Variants in DOCK3 observed in about 807,000 individuals in gnomAD.
The protein encoded by DOCK3 is dedicator of cytokinesis 3.
Under a neutral mutation model 265.6 loss-of-function variants are expected in DOCK3, and 60 were observed. That is an observed-to-expected ratio of 0.23 (90% CI 0.18 to 0.28). The LOEUF (loss-of-function observed/expected upper bound fraction) is 0.28. Among genes scored for constraint, DOCK3 ranks in the 10% least tolerant of loss-of-function variants. The pLI, the probability that DOCK3 is intolerant of heterozygous loss-of-function variation, is 1.00. For synonymous variants in DOCK3, 881 were observed against 938.0 expected (o/e 0.94, Z 1.11); for missense variants, 1,981 against 2,594.3 (o/e 0.76, Z 5.14).
intron 49 of DOCK3, among the ~76,000 whole-genome samples, chr3:51,363,034 G>C (rs540007955): frequency 6.6e-6 from 1 of 152,344 alleles, no homozygotes; most frequent in East Asian, 1.9e-4. Flanking sequence ...TGATGACAAA[G>C]TATGAAAAGT....
intron 1 of DOCK3, among the ~76,000 whole-genome samples, chr3:50,749,635 C>T (rs1293554050): frequency 6.6e-6 from 1 of 152,020 alleles, no homozygotes; most frequent in Non-Finnish European, 1.5e-5. Context: ...TTAAGCATGT[C>T]TCACAGAAAA....
chr3:51,045,403 C>T (rs1400971973), intron 5 of DOCK3, among the ~76,000 whole-genome samples: 1 of 152,054 alleles, frequency 6.6e-6, no homozygotes, highest in Non-Finnish European at 1.5e-5. Flanking sequence ...ATAGTAACAT[C>T]AGAGATCACT....
chr3:50,675,753 C>T lies in DOCK3; in HGVS notation c.37+453C>T, dbSNP rs1279807841. 9.2e-5 allele frequency among the ~76,000 whole-genome samples: 14 copies of T among 152,294 alleles called. No individual in the cohort carries two copies. Among genetic ancestry groups the T allele is most frequent in the African/African-American group, 3.1e-4 (13 of 41,570 alleles). The stretch of plus-strand genomic sequence containing the variant: ...GAAAACGGATGAAAAACGTTGACAT[C>T]ATTTTCCCAGTTCAAAAATTTGGAC... On this transcript the variant is annotated intron_variant, in intron 1 of 52. Coordinates refer to ENST00000266037, the MANE Select transcript of DOCK3 (RefSeq NM_004947.5). The surrounding 1 kb of genome is among the most constrained non-coding windows in gnomAD (Gnocchi z 6.1).
intron 10 of DOCK3, among the ~76,000 whole-genome samples, chr3:51,158,021 T>C (rs1272991649): frequency 2.6e-5 from 4 of 151,846 alleles, no homozygotes; most frequent in Non-Finnish European, 2.9e-5. Context: ...GAAATGGAAC[T>C]AAGGGAGCCT....
chr3:50,913,411 T>C (rs2049962427), intron 4 of DOCK3, among the ~76,000 whole-genome samples: 1 of 152,056 alleles, frequency 6.6e-6, no homozygotes, highest in Admixed American at 6.5e-5. Context: ...CTGTGCAGCC[T>C]GGGGCTAGGG....
intron 9 of DOCK3, among the ~76,000 whole-genome samples, chr3:51,104,993 T>C (rs1211421488): frequency 6.6e-6 from 1 of 152,128 alleles, no homozygotes; most frequent in Non-Finnish European, 1.5e-5. Context: ...TAGGAAAAGT[T>C]TTCTGGAAGA....
chr3:51,328,808 C>A (rs2084325020), intron 32 of DOCK3, among the ~76,000 whole-genome samples: 1 of 152,110 alleles, frequency 6.6e-6, no homozygotes, highest in Non-Finnish European at 1.5e-5. Flanking sequence ...CATACCATGG[C>A]TTTTTTGTTT....
At chr3:50,940,076 A>AACACACATACACACACAC (rs1421955991) in intron 5 of DOCK3, among the ~76,000 whole-genome samples, 4 of 149,380 alleles carry the variant, frequency 2.7e-5, no homozygotes, top group Non-Finnish European at 6.0e-5. Flanking sequence ...TACACACACA[A>AACACACATACACACACAC]ACACACACAC....
chr3:51,189,583 G>A (rs911297969), intron 12 of DOCK3, among the ~76,000 whole-genome samples: 3 of 152,134 alleles, frequency 2.0e-5, no homozygotes, highest in African/African-American at 7.2e-5. Flanking sequence ...TTCTGCAAAA[G>A]ACATTATTTC....
intron 27 of DOCK3, among the ~76,000 whole-genome samples, chr3:51,308,458 A>G (rs1215522683): frequency 6.6e-6 from 1 of 151,508 alleles, no homozygotes; most frequent in East Asian, 1.9e-4. Flanking sequence ...TGTTTAACAA[A>G]GCACATCTTG....
chr3:50,957,360 G>C (rs1215900671), intron 5 of DOCK3, among the ~76,000 whole-genome samples: 1 of 152,136 alleles, frequency 6.6e-6, no homozygotes, highest in East Asian at 1.9e-4. Context: ...TTTAAAAATG[G>C]AAATTTAATG....
intron 9 of DOCK3, among the ~76,000 whole-genome samples, chr3:51,144,714 A>T (rs1192438131): frequency 6.6e-6 from 1 of 152,232 alleles, no homozygotes; most frequent in East Asian, 1.9e-4. Flanking sequence ...CCATAGCTGT[A>T]TGAGGAAAAA....
At chr3:50,930,912 C>T (rs2051029599) in intron 4 of DOCK3, among the ~76,000 whole-genome samples, 1 of 152,184 alleles carries the variant, frequency 6.6e-6, no homozygotes, top group African/African-American at 2.4e-5. Flanking sequence ...CAAGCACTGC[C>T]TCCTCCCTTC....
At chr3:51,380,523 C>T (rs1344646141) in intron 52 of DOCK3, among the ~76,000 whole-genome samples, 5 of 152,294 alleles carry the variant, frequency 3.3e-5, no homozygotes, top group Non-Finnish European at 5.9e-5. Context: ...CACTGTAGTT[C>T]GCTAGCTAAA....
chr3:50,723,581 A>T (rs2108040344), intron 1 of DOCK3, among the ~76,000 whole-genome samples: 2 of 152,330 alleles, frequency 1.3e-5, no homozygotes, highest in South Asian at 4.1e-4. Context: ...AACTTGACAA[A>T]AACGAGCAAT....
chr3:51,313,039 C>T, intron 31 of DOCK3, 137 bp downstream of exon 31: 2 of 789,190 alleles, frequency 2.5e-6, no homozygotes, highest in Non-Finnish European at 4.1e-6. Context: ...CACATAACAC[C>T]TCAGATGGAT....
chr3:51,216,167 A>G (rs1046326190), intron 14 of DOCK3, among the ~76,000 whole-genome samples: 1 of 152,204 alleles, frequency 6.6e-6, no homozygotes, highest in Non-Finnish European at 1.5e-5. Flanking sequence ...GATAGTCTTC[A>G]CATACTTCTG....
intron 5 of DOCK3, among the ~76,000 whole-genome samples, chr3:50,951,544 A>G (rs1405021739): frequency 2.0e-5 from 3 of 152,204 alleles, no homozygotes; most frequent in Admixed American, 6.5e-5. Flanking sequence ...ACAGGCAAGC[A>G]TTTGGTCCTG....
At chr3:51,082,345 A>T (rs2082271991) in intron 7 of DOCK3, among the ~76,000 whole-genome samples, 1 of 152,086 alleles carries the variant, frequency 6.6e-6, no homozygotes, top group South Asian at 2.1e-4. Context: ...CCCTATGTCC[A>T]TTCAGAGGGC....
Sources: allele counts gnomAD v4.1 joint callset (sites outside exome capture counted in the v4.1 genomes callset), GRCh38; gene constraint gnomAD v4.1.1; non-coding constraint Gnocchi (gnomAD v3.1); transcripts MANE v1.5; gene names NCBI Gene and HGNC (gene_info 2026-07-23, HGNC 2026-07-21).